Variants in RBFOX3 observed in about 807,000 individuals in gnomAD.
RBFOX3 encodes the protein RNA binding fox-1 homolog 3.
In RBFOX3, 17 loss-of-function variants were observed where a neutral mutation model predicts 48.7. That is an observed-to-expected ratio of 0.35 (90% CI 0.24 to 0.52). RBFOX3 has a LOEUF of 0.52. Among genes scored for constraint, RBFOX3 ranks in the 20% least tolerant of loss-of-function variants. The probability of loss-of-function intolerance (pLI) is 0.94; values close to 1 mark genes in which losing one functional copy is unlikely to be tolerated. For missense variants in RBFOX3, 382 were observed against 497.5 expected (o/e 0.77, Z 2.21); for synonymous variants, 212 against 209.5 (o/e 1.01, Z -0.10).
At chr17:79,370,544 CACTA>C (rs76419664) in intron 2 of RBFOX3, among the ~76,000 whole-genome samples, 19,170 of 151,162 alleles carry the variant, frequency 0.13, 1,638 homozygotes, top group Non-Finnish European at 0.19. Context: ...TGCACACATA[CACTA>C]ACATACATAC....
rs1455450316 is a variant in RBFOX3 at position 79,303,861 on chromosome 17, G to GTGTC, written c.-74+3862_-74+3863insGACA. Among the ~76,000 whole-genome samples, 3 of 151,446 alleles carry GTGTC rather than the reference G, an allele frequency of 2.0e-5. No homozygotes were observed. In the East Asian group the frequency reaches 5.9e-4, roughly 30 times the overall value. ...TGTGTGCATGTCTGCCTGTGTGTGTGTGTGTGTGTGTGTGTGTGCATGTGT... is the reference window on the plus strand; with the variant it reads ...TGTGTGCATGTCTGCCTGTGTGTGTGTGTCTGTGTGTGTGTGTGTGTGCATGTGT... On this transcript the variant is annotated intron_variant, in intron 3 of 14. Transcript: ENST00000693108.
the RBFOX3 span, among the ~76,000 whole-genome samples, chr17:79,621,108 C>T: frequency 6.6e-6 from 1 of 151,998 alleles, no homozygotes; most frequent in African/African-American, 2.4e-5. Flanking sequence ...AAGTGACTCT[C>T]CTGCCTCAGC....
chr17:79,315,573 C>T (rs2077427474), intron 2 of RBFOX3, among the ~76,000 whole-genome samples: 1 of 152,210 alleles, frequency 6.6e-6, no homozygotes, highest in South Asian at 2.1e-4. Context: ...CAGATGTGCA[C>T]CCTGGTCCTT....
intron 5 of RBFOX3, among the ~76,000 whole-genome samples, chr17:79,112,379 T>C (rs2032033503): frequency 6.6e-6 from 1 of 152,062 alleles, no homozygotes; most frequent in South Asian, 2.1e-4. Flanking sequence ...CTGAGTTGGA[T>C]GAACACGGAC....
intron 3 of RBFOX3, among the ~76,000 whole-genome samples, chr17:79,264,459 C>A (rs993134012): frequency 2.6e-5 from 4 of 152,016 alleles, no homozygotes; most frequent in African/African-American, 9.7e-5. Flanking sequence ...CCTGCCTCAG[C>A]CTCCCAAGTT....
At chr17:79,304,287 T>G (rs2075777658) in intron 3 of RBFOX3, among the ~76,000 whole-genome samples, 1 of 151,922 alleles carries the variant, frequency 6.6e-6, no homozygotes. Context: ...AATATGTTCC[T>G]GAGAATACTG....
At chr17:79,182,421 C>T (rs1298671650) in intron 4 of RBFOX3, among the ~76,000 whole-genome samples, 1 of 152,194 alleles carries the variant, frequency 6.6e-6, no homozygotes, top group Non-Finnish European at 1.5e-5. Context: ...GAACTGCGGC[C>T]CACAGAGGCC....
rs893137204 is a variant in RBFOX3, at chr17:79,249,416, C to A, written c.-73-13611G>T. On this transcript the variant is annotated intron_variant, in intron 3 of 14. Coordinates refer to ENST00000693108, the MANE Select transcript of RBFOX3 (RefSeq NM_001350451.2). This position sits in a 1 kb window ranked among gnomAD's most constrained non-coding sequence, Gnocchi z 4.1. ...TATTCTGATGCTTTGACATCTGAAG[C>A]CTTGCTGGCCCTGGGGAGACGGCTC... Among the ~76,000 whole-genome samples the A allele has an allele frequency of 1.3e-5, 2 of 152,136 alleles. No homozygotes were observed. The highest frequency in any genetic ancestry group is 2.9e-5 in the Non-Finnish European group (2 of 68,022).
intron 2 of RBFOX3, among the ~76,000 whole-genome samples, chr17:79,463,463 A>G (rs111211076): frequency 0.2 from 15,366 of 76,456 alleles, 2,538 homozygotes; most frequent in Middle Eastern, 0.21. Context: ...CACCGCCATC[A>G]CCACTGCCAC....
intron 2 of RBFOX3, among the ~76,000 whole-genome samples, chr17:79,401,256 T>C (rs191346928): frequency 6.2e-4 from 94 of 152,314 alleles, no homozygotes; most frequent in Non-Finnish European, 1.1e-3. Context: ...AAAGGAGCCC[T>C]GAGCGGCGGG....
Position 79,325,753 on chromosome 17 carries a change from C to A in RBFOX3, c.-174-17929G>T, listed in dbSNP as rs111692318. On this transcript the variant is annotated intron_variant, in intron 2 of 14. Transcript: ENST00000693108. ...GTTGCCTCCCTGCTTTGAGCTCCAA[C>A]CTCTTGGATATTTATCGTTCGCTCC... Among the ~76,000 whole-genome samples the A allele has an allele frequency of 6.6e-3, 1,009 of 152,322 alleles. 4 individuals are homozygous for A. Among genetic ancestry groups the A allele is most frequent in the South Asian group, 0.017 (81 of 4,828 alleles).
At chr17:79,502,547 T>C (rs896157570) in intron 1 of RBFOX3, among the ~76,000 whole-genome samples, 3 of 152,236 alleles carry the variant, frequency 2.0e-5, no homozygotes, top group Non-Finnish European at 2.9e-5. Context: ...AAAAATGTAA[T>C]GTTTCACCAT....
chr17:79,626,740 G>A, the RBFOX3 span, among the ~76,000 whole-genome samples: 2 of 152,360 alleles, frequency 1.3e-5, no homozygotes, highest in South Asian at 4.1e-4. Context: ...GCAATGCGGT[G>A]AATTGTGAGC....
chr17:79,100,455 TTGGGCCAGGCCAGA>T (rs1190615661), intron 9 of RBFOX3: 2 of 152,202 alleles, frequency 1.3e-5, no homozygotes, highest in Non-Finnish European at 2.9e-5. Flanking sequence ...CAAGTCTAAC[TTGGGCCAGGCCAGA>T]GGCCCGGCCC....
At chr17:79,226,117 A>G (rs1364155667) in intron 4 of RBFOX3, among the ~76,000 whole-genome samples, 1 of 152,228 alleles carries the variant, frequency 6.6e-6, no homozygotes, top group Non-Finnish European at 1.5e-5. Context: ...GGCATTCCAC[A>G]TCATGGGATA....
chr17:79,140,467 G>A (rs756729634), intron 4 of RBFOX3, among the ~76,000 whole-genome samples: 7 of 152,258 alleles, frequency 4.6e-5, no homozygotes, highest in Non-Finnish European at 1.0e-4. Flanking sequence ...CAGACACAGC[G>A]TGTGCCAAGC....
intron 4 of RBFOX3, chr17:79,235,245 C>G (rs1363006317): frequency 6.6e-6 from 1 of 152,298 alleles, no homozygotes; most frequent in Admixed American, 6.5e-5. Flanking sequence ...AGTAGCCAGT[C>G]CCCCAGCGAG....
the RBFOX3 span, among the ~76,000 whole-genome samples, chr17:79,620,471 G>A: frequency 0.086 from 11,210 of 130,432 alleles, 1,471 homozygotes; most frequent in African/African-American, 0.3. Context: ...ACATGCACAC[G>A]TGCACACACG....
chr17:79,445,393 C>T lies in RBFOX3; in HGVS notation c.-175+37061G>A, dbSNP rs1230501039. ...GGCCTGGGTGAGGGCCTTCCACGTG[C>T]GGGAGGCACTGCAGGGCTCTGGGGT... On this transcript the variant is annotated intron_variant, in intron 2 of 14. Transcript: ENST00000693108. 1.2e-4 allele frequency among the ~76,000 whole-genome samples: 18 copies of T among 152,238 alleles called. No individual in the cohort carries two copies. In the East Asian group the frequency reaches 1.7e-3, roughly 15 times the overall value.
Sources: gnomAD v4.1 joint callset for allele counts (sites outside exome capture counted in the v4.1 genomes callset) on GRCh38, gnomAD v4.1.1 for gene constraint, Gnocchi (gnomAD v3.1) non-coding constraint, MANE v1.5 for transcripts, NCBI Gene and HGNC (gene_info 2026-07-23, HGNC 2026-07-21) for gene names.